NKAIN3: variants seen among roughly 807,000 people sequenced by gnomAD.
NKAIN3 encodes sodium/potassium-transporting ATPase subunit beta-1-interacting protein 3.
Under a neutral mutation model 30.2 loss-of-function variants are expected in NKAIN3, and 25 were observed. The observed-to-expected ratio is 0.83, with a 90% CI of 0.60 to 1.16. The LOEUF (loss-of-function observed/expected upper bound fraction) is 1.16, where lower values mean the gene tolerates loss of function less well. NKAIN3 is among the 50% of genes most tolerant of loss of function. The pLI, the probability that NKAIN3 is intolerant of heterozygous loss-of-function variation, is 0.00. For synonymous variants in NKAIN3, 91 were observed against 89.6 expected, an observed-to-expected ratio of 1.02 and a Z score of -0.09; for missense variants, 225 against 254.1, an observed-to-expected ratio of 0.89 and a Z score of 0.78.
At chr8:62,332,149 A>G (rs901276403) in intron 1 of NKAIN3, among the ~76,000 whole-genome samples, 5 of 152,164 alleles carry the variant, frequency 3.3e-5, no homozygotes, top group African/African-American at 1.2e-4. Flanking sequence ...GTGTGAAATC[A>G]TAAATGCTTC....
intron 1 of NKAIN3, among the ~76,000 whole-genome samples, chr8:62,360,734 A>G (rs991000795): frequency 6.6e-6 from 1 of 152,078 alleles, no homozygotes; most frequent in Non-Finnish European, 1.5e-5. Flanking sequence ...AAAGTCTCCC[A>G]CTATTATTGT....
intron 1 of NKAIN3, among the ~76,000 whole-genome samples, chr8:62,510,811 T>C (rs1428914270): frequency 6.6e-6 from 1 of 152,100 alleles, no homozygotes; most frequent in Admixed American, 6.5e-5. Context: ...GCTTTTAGTC[T>C]TTTTCCTTGA....
chr8:62,806,354 C>T (rs139908078), intron 4 of NKAIN3, among the ~76,000 whole-genome samples: 8 of 152,246 alleles, frequency 5.3e-5, no homozygotes, highest in South Asian at 2.1e-4. Flanking sequence ...CACATGCATA[C>T]GTATGTTTAT....
intron 1 of NKAIN3, among the ~76,000 whole-genome samples, chr8:62,527,020 C>T (rs570799534): frequency 4.8e-4 from 73 of 152,280 alleles, no homozygotes; most frequent in Middle Eastern, 3.4e-3. Context: ...CTGTCTTTTC[C>T]GCATATTCTC....
chr8:62,715,898 G>A (rs1464311367), intron 3 of NKAIN3, among the ~76,000 whole-genome samples: 1 of 152,132 alleles, frequency 6.6e-6, no homozygotes, highest in African/African-American at 2.4e-5. Context: ...GGCATAAAAG[G>A]AGCAGGGTGG....
At chr8:62,314,872 C>T (rs2129588921) in intron 1 of NKAIN3, among the ~76,000 whole-genome samples, 1 of 152,260 alleles carries the variant, frequency 6.6e-6, no homozygotes, top group South Asian at 2.1e-4. Context: ...ATCATAAACA[C>T]TGAACCTAAT....
At chr8:62,846,447 T>G (rs1206010898) in intron 4 of NKAIN3, among the ~76,000 whole-genome samples, 2 of 152,058 alleles carry the variant, frequency 1.3e-5, no homozygotes, top group Admixed American at 1.3e-4. Context: ...GCACAGCATC[T>G]ATTAGCTATT....
intron 1 of NKAIN3, among the ~76,000 whole-genome samples, chr8:62,560,531 C>CTTTTTTTTT (rs869256384): frequency 1.7e-3 from 76 of 45,346 alleles, no homozygotes; most frequent in Admixed American, 3.4e-3. Context: ...TTTTTCTTTT[C>CTTTTTTTTT]TTTTTTTTTT....
intron 1 of NKAIN3, among the ~76,000 whole-genome samples, chr8:62,509,160 T>C (rs954018123): frequency 6.6e-6 from 1 of 152,144 alleles, no homozygotes; most frequent in African/African-American, 2.4e-5. Flanking sequence ...GACTAAGGCA[T>C]TGATCATAGA....
intron 1 of NKAIN3, among the ~76,000 whole-genome samples, chr8:62,382,536 C>T (rs62509211): frequency 0.14 from 20,853 of 152,082 alleles, 1,726 homozygotes; most frequent in East Asian, 0.4. Flanking sequence ...CTATATTATA[C>T]CAACATTTCT....
At chr8:62,517,246 C>G (rs1402295831) in intron 1 of NKAIN3, among the ~76,000 whole-genome samples, 8 of 151,972 alleles carry the variant, frequency 5.3e-5, no homozygotes, top group Admixed American at 1.3e-4. Flanking sequence ...TTAAAATAAA[C>G]TTGCCCTTAA....
intron 3 of NKAIN3, among the ~76,000 whole-genome samples, chr8:62,604,929 G>A (rs1411368545): frequency 6.6e-6 from 1 of 152,020 alleles, no homozygotes; most frequent in Non-Finnish European, 1.5e-5. Flanking sequence ...CGCTTCTTCT[G>A]GTCAAGAGTC....
intron 4 of NKAIN3, among the ~76,000 whole-genome samples, chr8:62,886,974 A>G (rs2353387): frequency 0.3 from 46,212 of 151,982 alleles, 7,738 homozygotes; most frequent in East Asian, 0.64. Flanking sequence ...CTTCATCCAC[A>G]TCTCTACAAA....
At chr8:62,458,521 G>C (rs1805892092) in intron 1 of NKAIN3, among the ~76,000 whole-genome samples, 1 of 152,194 alleles carries the variant, frequency 6.6e-6, no homozygotes, top group African/African-American at 2.4e-5. Flanking sequence ...TGAGTCATCT[G>C]TCACTGTGAA....
chr8:62,380,269 T>C (rs1817232234), intron 1 of NKAIN3, among the ~76,000 whole-genome samples: 1 of 152,212 alleles, frequency 6.6e-6, no homozygotes, highest in Admixed American at 6.5e-5. Context: ...ATAAATGAAC[T>C]CATTCTTATG....
At chr8:62,567,690 C>G (rs1476395281) in intron 1 of NKAIN3, among the ~76,000 whole-genome samples, 2 of 151,932 alleles carry the variant, frequency 1.3e-5, no homozygotes, top group African/African-American at 4.8e-5. Context: ...ATGTGGGGAA[C>G]TTCTAGAAGC....
At chr8:62,362,727 C>G (rs969588610) in intron 1 of NKAIN3, among the ~76,000 whole-genome samples, 19 of 151,340 alleles carry the variant, frequency 1.3e-4, no homozygotes, top group Admixed American at 9.2e-4. Context: ...ATGAAGGATT[C>G]AAAAATCAGG....
At chr8:62,266,219 T>C (rs751674269) in intron 1 of NKAIN3, among the ~76,000 whole-genome samples, 1 of 152,250 alleles carries the variant, frequency 6.6e-6, no homozygotes, top group Middle Eastern at 3.4e-3. Flanking sequence ...GTGAAATAAA[T>C]AAGATTCTAT....
intron 1 of NKAIN3, among the ~76,000 whole-genome samples, chr8:62,321,289 T>C (rs1814891282): frequency 6.6e-6 from 1 of 152,170 alleles, no homozygotes; most frequent in South Asian, 2.1e-4. Context: ...CTTCCTCCTT[T>C]AGCTCAGAGA....
Sources: gnomAD v4.1 joint callset for allele counts (sites outside exome capture counted in the v4.1 genomes callset) on GRCh38, gnomAD v4.1.1 for gene constraint, MANE v1.5 for transcripts, NCBI Gene and HGNC (gene_info 2026-07-23, HGNC 2026-07-21) for gene names.